The following OR2L13 variants were observed in gnomAD, a reference collection of about 807,000 sequenced individuals.
OR2L13 encodes olfactory receptor family 2 subfamily L member 13.
In OR2L13, 14 loss-of-function variants were observed where a neutral mutation model predicts 15.3. That is an observed-to-expected ratio of 0.91 (90% CI 0.60 to 1.43). The LOEUF (loss-of-function observed/expected upper bound fraction) is 1.43. Among genes scored for constraint, OR2L13 ranks in the 40% most tolerant of loss-of-function variants. The pLI is 0.00. For missense variants in OR2L13, 367 were observed against 387.9 expected (o/e 0.95, Z 0.45); for synonymous variants, 152 against 142.9 (o/e 1.06, Z -0.45).
the OR2L13 span, among the ~76,000 whole-genome samples, chr1:248,065,484 G>T: frequency 6.6e-6 from 1 of 150,752 alleles, no homozygotes. Context: ...TGCACAATGT[G>T]CAGGTTAGTT....
the OR2L13 span, among the ~76,000 whole-genome samples, chr1:247,967,448 C>T: frequency 2.8e-4 from 43 of 152,124 alleles, no homozygotes; most frequent in Non-Finnish European, 4.9e-4. Flanking sequence ...AGGCTGGTTT[C>T]GAACTCCTGA....
chr1:248,064,424 C>T, the OR2L13 span, among the ~76,000 whole-genome samples: 2 of 152,170 alleles, frequency 1.3e-5, no homozygotes, highest in Admixed American at 1.3e-4. Context: ...AGACAAAGAA[C>T]TTCCCAGCTT....
At chr1:247,948,234 A>G in the OR2L13 span, among the ~76,000 whole-genome samples, 1 of 152,156 alleles carries the variant, frequency 6.6e-6, no homozygotes, top group Non-Finnish European at 1.5e-5. Context: ...GAAAAAGAAT[A>G]AGTGTGGAAA....
At chr1:248,053,459 G>T in the OR2L13 span, among the ~76,000 whole-genome samples, 1 of 152,008 alleles carries the variant, frequency 6.6e-6, no homozygotes. Context: ...TATTCCTTTG[G>T]GTATACACCC....
the OR2L13 span, among the ~76,000 whole-genome samples, chr1:248,019,309 T>A: frequency 6.6e-6 from 1 of 152,204 alleles, no homozygotes; most frequent in African/African-American, 2.4e-5. Context: ...GGAATTACAA[T>A]GGTTTGACTT....
the OR2L13 span, chr1:248,021,937 A>G: frequency 1.2e-6 from 2 of 1,603,746 alleles, no homozygotes; most frequent in African/African-American, 1.3e-5. Context: ...GAAGGATCGT[A>G]TGAATGCCCC....
At chr1:248,061,526 C>A in the OR2L13 span, 2 of 1,613,740 alleles carry the variant, frequency 1.2e-6, no homozygotes, top group Non-Finnish European at 1.7e-6. Flanking sequence ...ACCCTCACTC[C>A]AATGCTCAAC....
chr1:247,998,387 T>A, the OR2L13 span, among the ~76,000 whole-genome samples: 1 of 152,122 alleles, frequency 6.6e-6, no homozygotes, highest in African/African-American at 2.4e-5. Context: ...ACATTCACAA[T>A]AATTATTGTA....
the OR2L13 span, among the ~76,000 whole-genome samples, chr1:247,994,170 G>T: frequency 1.3e-5 from 2 of 152,118 alleles, no homozygotes; most frequent in Admixed American, 1.3e-4. Flanking sequence ...GCCGAGGCGG[G>T]CGGATCACAG....
At chr1:248,005,730 C>T in the OR2L13 span, among the ~76,000 whole-genome samples, 1 of 152,238 alleles carries the variant, frequency 6.6e-6, no homozygotes, top group Non-Finnish European at 1.5e-5. Flanking sequence ...TTGTACAAAT[C>T]ATTCTAGTGT....
At chr1:248,025,099 G>C in the OR2L13 span, among the ~76,000 whole-genome samples, 3 of 150,816 alleles carry the variant, frequency 2.0e-5, no homozygotes, top group East Asian at 5.9e-4. Flanking sequence ...TTGACAAATG[G>C]GATCCAATTA....
the OR2L13 span, among the ~76,000 whole-genome samples, chr1:247,974,503 A>T: frequency 6.6e-6 from 1 of 152,160 alleles, no homozygotes; most frequent in Non-Finnish European, 1.5e-5. Flanking sequence ...GTGTATTTTT[A>T]TAATTGTTCT....
chr1:248,065,776 GGAGT>G, the OR2L13 span, among the ~76,000 whole-genome samples: 1 of 151,972 alleles, frequency 6.6e-6, no homozygotes, highest in South Asian at 2.1e-4. Flanking sequence ...GTAGAGTGAA[GGAGT>G]GAATTACATG....
At chr1:248,005,496 G>A in the OR2L13 span, among the ~76,000 whole-genome samples, 1 of 152,088 alleles carries the variant, frequency 6.6e-6, no homozygotes, top group Non-Finnish European at 1.5e-5. Context: ...CTCCAGGTTT[G>A]TTCTTTTTGT....
chr1:247,965,301 A>G, the OR2L13 span: 1 of 1,457,984 alleles, frequency 6.9e-7, no homozygotes, highest in Non-Finnish European at 9.1e-7. Context: ...ATGTCATTTT[A>G]CTTTCTCTTA....
At chr1:248,050,301 A>G in the OR2L13 span, among the ~76,000 whole-genome samples, 1 of 152,168 alleles carries the variant, frequency 6.6e-6, no homozygotes, top group Non-Finnish European at 1.5e-5. Context: ...ATGTTTCTTA[A>G]TAGGCTAAAA....
chr1:248,084,676 C>T, the OR2L13 span: 5 of 1,502,228 alleles, frequency 3.3e-6, no homozygotes, highest in East Asian at 6.8e-5. Flanking sequence ...AGCTAACTTC[C>T]CTCTTTTTTT....
the OR2L13 span, among the ~76,000 whole-genome samples, chr1:247,962,039 C>T: frequency 2.6e-5 from 4 of 152,194 alleles, no homozygotes; most frequent in African/African-American, 9.7e-5. Context: ...CCCTCCCCTC[C>T]TCCATCTCAG....
chr1:247,980,928 A>G, the OR2L13 span: 2 of 152,212 alleles, frequency 1.3e-5, no homozygotes, highest in Non-Finnish European at 2.9e-5. Flanking sequence ...TTGAGGAGAT[A>G]ATAAAAGGTA....
Sources: gnomAD v4.1 joint callset for allele counts (sites outside exome capture counted in the v4.1 genomes callset) on GRCh38, gnomAD v4.1.1 for gene constraint, MANE v1.5 for transcripts, NCBI Gene and HGNC (gene_info 2026-07-23, HGNC 2026-07-21) for gene names.